The following ADPRHL1 variants were observed in gnomAD, a reference collection of about 807,000 sequenced individuals.
ADPRHL1 encodes inactive ADP-ribosyltransferase ARH2.
ADPRHL1 carries 43 observed loss-of-function variants against 44.1 expected under a neutral mutation model. The ratio of observed to expected loss-of-function variants is 0.98; its 90% CI spans 0.76 to 1.26. The LOEUF (loss-of-function observed/expected upper bound fraction) is 1.26, where lower values mean the gene tolerates loss of function less well. Among genes scored for constraint, ADPRHL1 ranks in the 50% most tolerant of loss-of-function variants. The probability of loss-of-function intolerance (pLI) is 0.00; values close to 1 mark genes in which losing one functional copy is unlikely to be tolerated. For synonymous variants in ADPRHL1, 878 were observed against 1,017.4 expected (o/e 0.86, Z 2.61); for missense variants, 2,022 against 2,496.9 (o/e 0.81, Z 4.05).
At chr13:113,442,500 T>C (rs1413383850) in intron 2 of ADPRHL1, among the ~76,000 whole-genome samples, 1 of 152,204 alleles carries the variant, frequency 6.6e-6, no homozygotes, top group East Asian at 1.9e-4. Context: ...TTGTATTTTT[T>C]TCAGTAGCTT....
intron 1 of ADPRHL1, among the ~76,000 whole-genome samples, chr13:113,452,876 G>A (rs11839059): frequency 0.2 from 29,687 of 152,132 alleles, 3,163 homozygotes; most frequent in Middle Eastern, 0.31. Flanking sequence ...CCACCAGCAC[G>A]GCCGAGAGAG....
At chr13:113,418,741 TGCCAATA>T (rs1880668017) in intron 7 of ADPRHL1, among the ~76,000 whole-genome samples, 1 of 152,106 alleles carries the variant, frequency 6.6e-6, no homozygotes, top group South Asian at 2.1e-4. Flanking sequence ...GAAAGGTGTC[TGCCAATA>T]GCTTCAGGCT....
chr13:113,415,079 C>A (rs759519164), intron 7 of ADPRHL1, among the ~76,000 whole-genome samples: 3 of 152,164 alleles, frequency 2.0e-5, no homozygotes, highest in Admixed American at 6.5e-5. Flanking sequence ...CCAGCAACCC[C>A]CTGGGGCAGG....
At chr13:113,442,116 A>G (rs2044103612) in intron 2 of ADPRHL1, among the ~76,000 whole-genome samples, 1 of 152,234 alleles carries the variant, frequency 6.6e-6, no homozygotes, top group Admixed American at 6.5e-5. Flanking sequence ...TTGTCTGAGA[A>G]AGGCTATTTT....
rs1787020672 is a variant in ADPRHL1, at chr13:113,447,259, GTGT to G, written c.215-2673_215-2671del. Among the ~76,000 whole-genome samples, 2 of 123,912 alleles carry G rather than the reference GTGT, an allele frequency of 1.6e-5. 1 individual carries two copies. The highest frequency in any genetic ancestry group is 6.0e-4 in the South Asian group (2 of 3,358). The allele number at this position is 123,912 out of a possible 152,430, so 81.3% of individuals were successfully genotyped here. ...TGTGTGCATGGCGTCTACACGCACG[GTGT>G]TGTGTGTGCATGGCGTCTACACGCA... On this transcript the variant is annotated intron_variant, in intron 1 of 7. Transcript: ENST00000612156.
At position 113,403,397 on chromosome 13, in the gene ADPRHL1, G is replaced by A. The variant is rs9603837; in HGVS notation, c.5885C>T (p.Thr1962Met). ...GGGGCCTCACTTTGGGAGCTCAGAC[G>A]TGTCGCTGGCCCTGACGCTCATTGG... is the stretch of plus-strand genomic sequence containing the variant. ...FRPMSVRASD[T>M]SELPK The change falls in exon 8 of 8, where the codon ACG becomes ATG. Residue 1962 changes from threonine to methionine, a missense_variant. Around this residue, in one of 8 missense-constraint regions of ADPRHL1, gnomAD observed 205 missense variants for 250.1 expected, o/e 0.82. Coordinates refer to ENST00000612156, the MANE Select transcript of ADPRHL1 (RefSeq NM_001394807.1). The A allele has an allele frequency of 0.61, 756,399 of 1,231,812 alleles. 237,489 individuals are homozygous for A. The highest frequency in any genetic ancestry group is 0.84 in the African/African-American group (54,133 of 64,452). 76.3% of individuals were successfully genotyped at this position (1,231,812 alleles called of 1,614,324 possible). A position where few individuals can be genotyped will look rare whatever the true frequency, so the allele number is the denominator to read the frequency against.
intron 2 of ADPRHL1, among the ~76,000 whole-genome samples, chr13:113,436,367 G>C (rs1337956706): frequency 5.7e-4 from 52 of 91,928 alleles, no homozygotes; most frequent in Middle Eastern, 8.1e-3. Flanking sequence ...CCAGCACCCA[G>C]GTGTAGGGTG....
At chr13:113,427,998 G>C (rs540860169) in intron 4 of ADPRHL1, among the ~76,000 whole-genome samples, 6 of 152,370 alleles carry the variant, frequency 3.9e-5, no homozygotes, top group African/African-American at 1.4e-4. Flanking sequence ...AGGCGAGGTG[G>C]CTCATGCCTG....
At chr13:113,420,032 C>A (rs1006806006) in intron 7 of ADPRHL1, among the ~76,000 whole-genome samples, 1 of 151,672 alleles carries the variant, frequency 6.6e-6, no homozygotes, top group Non-Finnish European at 1.5e-5. Flanking sequence ...GAGGCTTAGG[C>A]GACCGTGACC....
rs530914337 is a variant in ADPRHL1 at position 113,450,240 on chromosome 13, A to C, written c.214+2984T>G. On this transcript the variant is annotated intron_variant, in intron 1 of 7. Coordinates refer to ENST00000612156, the MANE Select transcript of ADPRHL1 (RefSeq NM_001394807.1). ...GCCCTCACCATTGTTAACACAGCTT[A>C]AAGACCCCCTTCCATAGGCTACAAT... Among the ~76,000 whole-genome samples the C allele has an allele frequency of 1.6e-4, 24 of 152,352 alleles. No individual in the cohort carries two copies. In the East Asian group the frequency reaches 4.6e-3, roughly 29 times the overall value.
In ADPRHL1 at chr13:113,400,672, G is replaced by A. The variant is rs143221170; in HGVS notation, c.*2706C>T. On this transcript the variant is annotated 3_prime_UTR_variant, in exon 8 of 8. Coordinates refer to ENST00000612156, the MANE Select transcript of ADPRHL1 (RefSeq NM_001394807.1). ...TCAGCTTAGTGTGAACGTACGGACCGTTCTCAAATCCTGGTGAAGTCACTG... is the reference window on the plus strand; with the variant it reads ...TCAGCTTAGTGTGAACGTACGGACCATTCTCAAATCCTGGTGAAGTCACTG... The A allele has an allele frequency of 8.5e-5, 13 of 152,340 alleles. No individual in the cohort carries two copies. Among genetic ancestry groups the A allele is most frequent in the African/African-American group, 2.2e-4 (9 of 41,562 alleles). 9.4% of individuals were successfully genotyped at this position (152,340 alleles called of 1,614,324 possible). A position where few individuals can be genotyped will look rare whatever the true frequency, so the allele number is the denominator to read the frequency against.
At chr13:113,424,592 T>C (rs1400768694) in intron 5 of ADPRHL1, among the ~76,000 whole-genome samples, 2 of 151,220 alleles carry the variant, frequency 1.3e-5, no homozygotes, top group Non-Finnish European at 1.5e-5. Context: ...GTAGTTGGGA[T>C]TACAGGCGTA....
At chr13:113,421,499 C>T (rs796917290) in intron 7 of ADPRHL1, among the ~76,000 whole-genome samples, 26 of 152,224 alleles carry the variant, frequency 1.7e-4, no homozygotes, top group South Asian at 4.1e-4. Flanking sequence ...CCCTGGGACA[C>T]GCCTGCTCCT....
In ADPRHL1 at chr13:113,434,806, G is replaced by A. The variant is rs1375486870; in HGVS notation, c.380-939C>T. On this transcript the variant is annotated intron_variant, in intron 2 of 7. Coordinates refer to ENST00000612156, the MANE Select transcript of ADPRHL1 (RefSeq NM_001394807.1). ...GAACATAGGTGTACCCCAGGACCCG[G>A]CACCCATGCATAGAGTGAACATAGG... 9.4e-5 allele frequency among the ~76,000 whole-genome samples: 10 copies of A among 106,918 alleles called. 2 individuals are homozygous for A. In the East Asian group the frequency reaches 2.8e-3, roughly 30 times the overall value. 70.1% of individuals were successfully genotyped at this position (106,918 alleles called of 152,430 possible). A position where few individuals can be genotyped will look rare whatever the true frequency, so the allele number is the denominator to read the frequency against.
chr13:113,448,849 TGAGGGAGGAAGGCCCTGG>T (rs1392060510), intron 1 of ADPRHL1: 1 of 705,608 alleles, frequency 1.4e-6, no homozygotes, highest in East Asian at 1.3e-4. Context: ...TGTGACCTTG[TGAGGGAGGAAGGCCCTGG>T]GAGGGAAGCC....
Position 113,405,012 on chromosome 13 carries a change from C to T in ADPRHL1, c.4270G>A (p.Gly1424Arg), listed in dbSNP as rs73571474. 0.13 allele frequency: 165,756 copies of T among 1,233,496 alleles called. 11,616 individuals are homozygous for T. The highest frequency in any genetic ancestry group is 0.14 in the Non-Finnish European group (139,375 of 989,206). 76.4% of individuals were successfully genotyped at this position (1,233,496 alleles called of 1,614,324 possible). A position where few individuals can be genotyped will look rare whatever the true frequency, so the allele number is the denominator to read the frequency against. ...ACCCCAATGGCCATCCCTTTGTCCCCGGCCAGATCCTGTGCCCACCATGTC... is the reference window on the plus strand; with the variant it reads ...ACCCCAATGGCCATCCCTTTGTCCCTGGCCAGATCCTGTGCCCACCATGTC... Reference protein sequence around the residue: ...PQTWWAQDLAGDKGMAIGVGG... With the variant: ...PQTWWAQDLARDKGMAIGVGG... Residue 1424 changes from glycine (G) to arginine (R), a missense_variant, in exon 8 of 8, where the codon GGG becomes AGG. Transcript: ENST00000612156.
chr13:113,450,952 A>ACC (rs59128545), intron 1 of ADPRHL1, among the ~76,000 whole-genome samples: 5,509 of 127,636 alleles, frequency 0.043, 310 homozygotes, highest in African/African-American at 0.13. Flanking sequence ...GGAAAGGGAG[A>ACC]CCCCCCCCCC....
intron 7 of ADPRHL1, among the ~76,000 whole-genome samples, chr13:113,413,279 C>A (rs1282268259): frequency 6.6e-6 from 1 of 152,252 alleles, no homozygotes; most frequent in Non-Finnish European, 1.5e-5. Context: ...CTGTGCCCTT[C>A]AGCCTGGAAC....
In ADPRHL1 at chr13:113,453,144, T is replaced by A; in HGVS notation, c.214+80A>T. ...TGAAGGACCGCACTGCCTTCAAAGC[T>A]CTCGGAGGCTTACTGGGAGAACTCG... On this transcript the variant is annotated intron_variant, in intron 1 of 7. Coordinates refer to ENST00000612156, the MANE Select transcript of ADPRHL1 (RefSeq NM_001394807.1). This position sits in a 1 kb window ranked among gnomAD's most constrained non-coding sequence, Gnocchi z 5.4. 5 of 1,514,346 alleles carry A rather than the reference T, an allele frequency of 3.3e-6. No individual in the cohort carries two copies. The highest frequency in any genetic ancestry group is 4.6e-6 in the Non-Finnish European group (5 of 1,098,562). 93.8% of individuals were successfully genotyped at this position (1,514,346 alleles called of 1,614,324 possible).
Sources: gnomAD v4.1 joint callset for allele counts (sites outside exome capture counted in the v4.1 genomes callset) on GRCh38, gnomAD v4.1.1 for gene constraint, gnomAD v4.1.1 regional missense constraint, Gnocchi (gnomAD v3.1) non-coding constraint, MANE v1.5 for transcripts, NCBI Gene and HGNC (gene_info 2026-07-23, HGNC 2026-07-21) for gene names.